CAMSAP1: variants seen among roughly 807,000 people sequenced by gnomAD.
CAMSAP1 encodes the protein calmodulin regulated spectrin associated protein 1.
In CAMSAP1, 58 loss-of-function variants were observed where a neutral mutation model predicts 143.5. The observed-to-expected ratio is 0.40, with a 90% CI of 0.33 to 0.50. CAMSAP1 has a LOEUF of 0.50. CAMSAP1 is among the 20% of genes least tolerant of loss of function. The probability of loss-of-function intolerance (pLI) is 0.45; values close to 1 mark genes in which losing one functional copy is unlikely to be tolerated. For missense variants in CAMSAP1, 1,969 were observed against 2,115.7 expected (o/e 0.93, Z 1.36); for synonymous variants, 945 against 859.3 (o/e 1.10, Z -1.74).
chr9:135,831,925 A>G (rs1159748218), intron 7 of CAMSAP1, among the ~76,000 whole-genome samples: 8 of 152,224 alleles, frequency 5.3e-5, no homozygotes, highest in Admixed American at 5.2e-4. Context: ...AACAGACAGT[A>G]ATAAATAAAG....
intron 5 of CAMSAP1, among the ~76,000 whole-genome samples, chr9:135,851,247 A>G (rs1836773051): frequency 6.6e-6 from 1 of 152,248 alleles, no homozygotes; most frequent in Admixed American, 6.5e-5. Context: ...TAGAGAAAAA[A>G]TAGAATTTCA....
chr9:135,886,687 A>C (rs1387378406), intron 1 of CAMSAP1, among the ~76,000 whole-genome samples: 1 of 152,214 alleles, frequency 6.6e-6, no homozygotes, highest in African/African-American at 2.4e-5. Flanking sequence ...GACAAGCCAG[A>C]GGACGAGGAG....
At chr9:135,904,402 CAAAAA>C (rs34983397) in intron 1 of CAMSAP1, among the ~76,000 whole-genome samples, 1 of 84,026 alleles carries the variant, frequency 1.2e-5, no homozygotes, top group Non-Finnish European at 2.4e-5. Flanking sequence ...CTGTCCTCCA[CAAAAA>C]AAAAAAAAAA....
chr9:135,907,483 C>A lies in CAMSAP1; in HGVS notation c.-324G>T, dbSNP rs1281413649. Reference sequence around the variant, plus strand: ...GGGGCGGTGGCAGCGCGTGCGCGGTCCCGGGTGAGCGGCGGCGGCGGCGAC... The same window carrying A: ...GGGGCGGTGGCAGCGCGTGCGCGGTACCGGGTGAGCGGCGGCGGCGGCGAC... On this transcript the variant is annotated 5_prime_UTR_variant, in exon 1 of 17. Transcript: ENST00000389532. Among the ~76,000 whole-genome samples, 2 of 145,532 alleles carry A rather than the reference C, an allele frequency of 1.4e-5. No homozygotes were observed. Among genetic ancestry groups the A allele is most frequent in the South Asian group, 4.4e-4 (2 of 4,500 alleles).
At position 135,822,275 on chromosome 9, in the gene CAMSAP1, G is replaced by C. The variant is rs532649731; in HGVS notation, c.2386C>G (p.Leu796Val). The change falls in exon 11 of 17, where the codon CTG becomes GTG. Residue 796 changes from leucine (L) to valine (V), a missense_variant. Leu to Val is a conservative substitution (Grantham distance 32). This residue lies in a region of CAMSAP1 where 1,390 missense variants were observed against 1,420.8 expected (regional missense o/e 0.98). Transcript: ENST00000389532. The surrounding 1 kb of genome is among the most constrained non-coding windows in gnomAD (Gnocchi z 6.1). The part of the protein sequence containing the change: ...DDASGRSSPC[L>V]STASQMSSVS... ...CTGCTCATCTGAGAGGCTGTGCTCA[G>C]GCAGGGGCTCGAGCGGCCGCTGGCG... The C allele has an allele frequency of 6.0e-5, 97 of 1,614,014 alleles. 3 individuals carry two copies. The South Asian group carries it at 1.0e-3, about 17-fold the overall frequency.
At chr9:135,900,587 C>T (rs1262404436) in intron 1 of CAMSAP1, among the ~76,000 whole-genome samples, 1 of 151,468 alleles carries the variant, frequency 6.6e-6, no homozygotes, top group Non-Finnish European at 1.5e-5. Flanking sequence ...CCCAGCTACT[C>T]AGGAGGCCGA....
At chr9:135,905,105 C>G (rs2131038547) in intron 1 of CAMSAP1, among the ~76,000 whole-genome samples, 2 of 152,318 alleles carry the variant, frequency 1.3e-5, no homozygotes, top group South Asian at 4.1e-4. Context: ...GTTCATGTTT[C>G]TTTTCTTTAA....
chr9:135,866,375 T>C lies in CAMSAP1; in HGVS notation c.666+81A>G, dbSNP rs188854767. The C allele has an allele frequency of 8.2e-5, 60 of 734,012 alleles. No individual in the cohort carries two copies. In the East Asian group the frequency reaches 1.5e-3, roughly 19 times the overall value. The allele number at this position is 734,012 out of a possible 1,614,324, so 45.5% of individuals were successfully genotyped here. ...TGAGTAAAAATAGAGAATAAGCAAA[T>C]AGTGGGAACTAACAGAATTCTTTAA... On this transcript the variant is annotated intron_variant, in intron 4 of 16. Coordinates refer to ENST00000389532, the MANE Select transcript of CAMSAP1 (RefSeq NM_015447.4).
chr9:135,891,837 A>C (rs1838299910), intron 1 of CAMSAP1, among the ~76,000 whole-genome samples: 1 of 152,224 alleles, frequency 6.6e-6, no homozygotes. Flanking sequence ...AAAAATAGAG[A>C]TCTCAGCAGA....
At chr9:135,813,146 C>T (rs1450694817) in intron 16 of CAMSAP1, among the ~76,000 whole-genome samples, 2 of 152,206 alleles carry the variant, frequency 1.3e-5, no homozygotes, top group Admixed American at 1.3e-4. Context: ...GCGGCCCAGG[C>T]ATCCTGAGGC....
chr9:135,818,361 C>T lies in CAMSAP1; in HGVS notation c.4168+47G>A, dbSNP rs1470982305. The T allele has an allele frequency of 6.6e-7, 1 of 1,509,960 alleles. No individual in the cohort carries two copies. Among genetic ancestry groups the T allele is most frequent in the Non-Finnish European group, 8.9e-7 (1 of 1,128,628 alleles). The allele number at this position is 1,509,960 out of a possible 1,614,324, so 93.5% of individuals were successfully genotyped here. On this transcript the variant is annotated intron_variant, in intron 13 of 16. Coordinates refer to ENST00000389532, the MANE Select transcript of CAMSAP1 (RefSeq NM_015447.4). The surrounding 1 kb of genome is among the most constrained non-coding windows in gnomAD (Gnocchi z 7.7). ...AATGAGCTGAAGAACGTGAGGCCGC[C>T]GCCCGCGGAAGGAAGCGCTGCCCGC...
chr9:135,873,916 A>G (rs1837647126), intron 3 of CAMSAP1, among the ~76,000 whole-genome samples: 1 of 152,196 alleles, frequency 6.6e-6, no homozygotes, highest in Non-Finnish European at 1.5e-5. Context: ...ATACATCATG[A>G]GAAAAAAAAC....
intron 7 of CAMSAP1, among the ~76,000 whole-genome samples, chr9:135,843,736 T>C (rs1390757100): frequency 1.3e-5 from 2 of 151,808 alleles, no homozygotes; most frequent in African/African-American, 2.4e-5. Flanking sequence ...TGGCTGGGCG[T>C]GGTGGCGGGC....
At chr9:135,858,059 AC>A (rs764268235) in intron 5 of CAMSAP1, among the ~76,000 whole-genome samples, 1 of 151,812 alleles carries the variant, frequency 6.6e-6, no homozygotes, top group Non-Finnish European at 1.5e-5. Context: ...ACTGCTGTCC[AC>A]CAGCATCCTT....
intron 8 of CAMSAP1, among the ~76,000 whole-genome samples, chr9:135,825,684 C>A (rs946517955): frequency 1.3e-5 from 2 of 152,202 alleles, no homozygotes; most frequent in African/African-American, 4.8e-5. Context: ...CGCGCTCACA[C>A]TGCAGGGCAG....
At chr9:135,833,901 A>C (rs1223425808) in intron 7 of CAMSAP1, among the ~76,000 whole-genome samples, 2 of 152,264 alleles carry the variant, frequency 1.3e-5, no homozygotes, top group Non-Finnish European at 2.9e-5. Context: ...AACTATTTAC[A>C]AACTATATGG....
At chr9:135,819,672 TAAAAAAAAA>T (rs55894826) in intron 11 of CAMSAP1, among the ~76,000 whole-genome samples, 5 of 104,632 alleles carry the variant, frequency 4.8e-5, no homozygotes, top group South Asian at 3.4e-4. Flanking sequence ...TGTCTCCACT[TAAAAAAAAA>T]AAAAAAAAAA....
At chr9:135,891,372 A>C (rs1309302176) in intron 1 of CAMSAP1, among the ~76,000 whole-genome samples, 1 of 152,220 alleles carries the variant, frequency 6.6e-6, no homozygotes, top group African/African-American at 2.4e-5. Context: ...TCACAAAAGG[A>C]GAGCTGGAGA....
At chr9:135,899,501 C>T (rs1364945798) in intron 1 of CAMSAP1, among the ~76,000 whole-genome samples, 1 of 151,886 alleles carries the variant, frequency 6.6e-6, no homozygotes, top group Non-Finnish European at 1.5e-5. Context: ...CTAGCAGGGA[C>T]TTCTCTGAAA....
Sources: allele counts gnomAD v4.1 joint callset (sites outside exome capture counted in the v4.1 genomes callset), GRCh38; gene constraint gnomAD v4.1.1; regional missense constraint gnomAD v4.1.1; non-coding constraint Gnocchi (gnomAD v3.1); transcripts MANE v1.5; gene names NCBI Gene and HGNC (gene_info 2026-07-23, HGNC 2026-07-21).